SF3A3: variants seen among roughly 807,000 people sequenced by gnomAD.
The protein encoded by SF3A3 is splicing factor 3a subunit 3.
SF3A3 carries 9 observed loss-of-function variants against 85.8 expected under a neutral mutation model. The observed-to-expected ratio is 0.10, with a 90% CI of 0.06 to 0.18. The LOEUF (loss-of-function observed/expected upper bound fraction) is 0.18. Ranked by LOEUF, SF3A3 falls within the 10% of genes least tolerant of loss-of-function variation. SF3A3 has a pLI of 1.00. For missense variants in SF3A3, 306 were observed against 593.3 expected (o/e 0.52, Z 5.03); for synonymous variants, 195 against 204.4 (o/e 0.95, Z 0.39).
intron 15 of SF3A3, among the ~76,000 whole-genome samples, chr1:37,963,099 A>G (rs1646273582): frequency 6.6e-6 from 1 of 152,182 alleles, no homozygotes; most frequent in East Asian, 1.9e-4. Context: ...AAAAAAAAAA[A>G]AAATCACTGC....
intron 12 of SF3A3, among the ~76,000 whole-genome samples, chr1:37,972,903 G>A (rs1020102843): frequency 2.6e-5 from 4 of 152,134 alleles, no homozygotes; most frequent in African/African-American, 4.8e-5. Flanking sequence ...AATGTGGGCC[G>A]GGTGCGGTGG....
In SF3A3 at chr1:37,987,791, T is replaced by C; in HGVS notation, c.190A>G (p.Lys64Glu). The change falls in exon 3 of 17, where the codon AAG (lysine) becomes GAG (glutamate). Residue 64 changes from lysine to glutamate, a missense_variant. This residue lies in a region of SF3A3 where 152 missense variants were observed against 192.0 expected (regional missense o/e 0.79). Coordinates refer to ENST00000373019, the MANE Select transcript of SF3A3 (RefSeq NM_006802.4). ...GCTGTGACTGTCACTTACCCATCCT[T>C]ATCATCATACAAATCCCTCAGGTTC... ...SGNLRDLYDD[K>E]DGLRKEELNA... 13 of 1,613,410 alleles carry C rather than the reference T, an allele frequency of 8.1e-6. No homozygotes were observed. The highest frequency in any genetic ancestry group is 1.1e-5 in the Non-Finnish European group (13 of 1,179,372).
chr1:37,971,034 C>CA (rs939499548), intron 12 of SF3A3, among the ~76,000 whole-genome samples: 1 of 151,390 alleles, frequency 6.6e-6, no homozygotes, highest in East Asian at 1.9e-4. Flanking sequence ...GACAGACACA[C>CA]AAAAAAACCC....
In SF3A3 at chr1:37,987,733, C is replaced by T. The variant is rs1398376527; in HGVS notation, c.197+51G>A. 14 of 1,600,070 alleles carry T rather than the reference C, an allele frequency of 8.7e-6. No individual in the cohort carries two copies. In the East Asian group the frequency reaches 2.7e-4, roughly 31 times the overall value. ...TAGAGCACAAAGTCAGTCCTCTAAC[C>T]ATGGCTCCTCAGAAGCACTAACTCC... On this transcript the variant is annotated intron_variant, in intron 3 of 16. Transcript: ENST00000373019.
chr1:37,982,459 C>A (rs1484089988), intron 6 of SF3A3, among the ~76,000 whole-genome samples: 1 of 152,018 alleles, frequency 6.6e-6, no homozygotes, highest in Non-Finnish European at 1.5e-5. Flanking sequence ...CAACCTCCAC[C>A]TCATGGGTTC....
At position 37,968,031 on chromosome 1, in the gene SF3A3, A is replaced by C. The variant is rs1428325170; in HGVS notation, c.1372+13T>G. 1.9e-6 allele frequency: 3 copies of C among 1,569,262 alleles called. No homozygotes were observed. The highest frequency in any genetic ancestry group is 2.6e-6 in the Non-Finnish European group (3 of 1,139,012). ...TGTACTCGCCTAGGAGACAGTAAAT[A>C]AATCTTACTTACAGGAGACAGCATC... On this transcript the variant is annotated intron_variant, in intron 15 of 16. Transcript: ENST00000373019.
intron 15 of SF3A3, among the ~76,000 whole-genome samples, chr1:37,964,276 A>G (rs956677672): frequency 1.5e-4 from 23 of 152,108 alleles, no homozygotes; most frequent in Non-Finnish European, 7.4e-5. Flanking sequence ...AAATTACGTG[A>G]TAAGTGTGAT....
At chr1:37,980,291 G>A (rs1034595933) in intron 8 of SF3A3, among the ~76,000 whole-genome samples, 3 of 152,108 alleles carry the variant, frequency 2.0e-5, no homozygotes, top group Non-Finnish European at 4.4e-5. Flanking sequence ...GGGTGTGGAG[G>A]CGCGTGCCTG....
chr1:37,983,309 T>A (rs567684611), intron 6 of SF3A3, among the ~76,000 whole-genome samples: 111 of 148,368 alleles, frequency 7.5e-4, no homozygotes, highest in African/African-American at 2.6e-3. Context: ...TAAGGCTGGA[T>A]GCAGTGGCTT....
chr1:37,963,714 G>A (rs771245848), intron 15 of SF3A3, among the ~76,000 whole-genome samples: 24 of 150,752 alleles, frequency 1.6e-4, no homozygotes, highest in Non-Finnish European at 3.0e-4. Context: ...CCGCCACAAC[G>A]TCCGACTAAT....
rs1216841880 is a variant in SF3A3, at chr1:37,988,060, A to G, written c.145-224T>C. 2.0e-5 allele frequency among the ~76,000 whole-genome samples: 3 copies of G among 152,186 alleles called. No individual in the cohort carries two copies. The East Asian group carries it at 5.8e-4, about 29-fold the overall frequency. On this transcript the variant is annotated intron_variant, in intron 2 of 16. Coordinates refer to ENST00000373019, the MANE Select transcript of SF3A3 (RefSeq NM_006802.4). ...TTGATTCCTGTTTAGTTTTTTAAGC[A>G]GGTCGATTGGAAGATTACCTAAATG...
At chr1:37,978,642 G>A (rs925452868) in intron 11 of SF3A3, 78 bp downstream of exon 11, 20 of 849,170 alleles carry the variant, frequency 2.4e-5, no homozygotes, top group Middle Eastern at 3.5e-4. Context: ...AGGCTTTAAA[G>A]TCTCCACTGT....
At position 37,963,563 on chromosome 1, in the gene SF3A3, T is replaced by C. The variant is rs951254252; in HGVS notation, c.1373-3388A>G. Reference sequence around the variant, plus strand: ...ATCATGAAACTGCCAATGATAATTCTTTTTTTTTTTTGAGACAGAGTCTCA... The same window carrying C: ...ATCATGAAACTGCCAATGATAATTCCTTTTTTTTTTTGAGACAGAGTCTCA... On this transcript the variant is annotated intron_variant, in intron 15 of 16. Coordinates refer to ENST00000373019, the MANE Select transcript of SF3A3 (RefSeq NM_006802.4). 2.9e-4 allele frequency among the ~76,000 whole-genome samples: 42 copies of C among 144,792 alleles called. 1 individual carries two copies. Among genetic ancestry groups the C allele is most frequent in the Admixed American group, 2.1e-4 (3 of 14,428 alleles). 95.0% of individuals were successfully genotyped at this position (144,792 alleles called of 152,430 possible).
In SF3A3 at chr1:37,958,262, T is replaced by G; in HGVS notation, c.1430A>C (p.Glu477Ala). ...ASERWQPDTE[E>A]EYEDSSGNVV... ...ATTCCCACTTGAGTCTTCATATTCT[T>G]CCTGAAAAGGAAGGGGTACACTTTG... Residue 477 changes from glutamate (E) to alanine (A), a missense_variant and splice_region_variant, in exon 17 of 17, where the codon GAA becomes GCA. Glu to Ala is a moderately radical substitution (Grantham distance 107). This residue lies in a region of SF3A3 where 18 missense variants were observed against 77.4 expected (regional missense o/e 0.23). Coordinates refer to ENST00000373019, the MANE Select transcript of SF3A3 (RefSeq NM_006802.4). The G allele has an allele frequency of 6.2e-7, 1 of 1,608,838 alleles. No homozygotes were observed. The highest frequency in any genetic ancestry group is 8.5e-7 in the Non-Finnish European group (1 of 1,175,170).
At chr1:37,985,336 G>A (rs1236160380) in intron 4 of SF3A3, among the ~76,000 whole-genome samples, 1 of 152,166 alleles carries the variant, frequency 6.6e-6, no homozygotes, top group Non-Finnish European at 1.5e-5. Flanking sequence ...CCTGAGAACA[G>A]GTGACCACTG....
chr1:37,964,871 C>A (rs1646288042), intron 15 of SF3A3, among the ~76,000 whole-genome samples: 1 of 152,092 alleles, frequency 6.6e-6, no homozygotes, highest in African/African-American at 2.4e-5. Context: ...ATCAGTCATT[C>A]TCTTAACATG....
chr1:37,986,383 A>C (rs1646457023), intron 4 of SF3A3, among the ~76,000 whole-genome samples: 1 of 152,222 alleles, frequency 6.6e-6, no homozygotes, highest in Non-Finnish European at 1.5e-5. Context: ...ATAACAGTTG[A>C]CACCATGACT....
intron 11 of SF3A3, among the ~76,000 whole-genome samples, chr1:37,978,413 A>C (rs994878000): frequency 6.6e-6 from 1 of 152,104 alleles, no homozygotes; most frequent in Non-Finnish European, 1.5e-5. Flanking sequence ...TTTACCAAAA[A>C]TAAGCTTAGA....
intron 12 of SF3A3, among the ~76,000 whole-genome samples, chr1:37,970,408 T>C (rs1646330338): frequency 6.6e-6 from 1 of 151,606 alleles, no homozygotes; most frequent in African/African-American, 2.4e-5. Context: ...ACAATAATAA[T>C]GGGAAACTTT....
Sources: gnomAD v4.1 joint callset for allele counts (sites outside exome capture counted in the v4.1 genomes callset) on GRCh38, gnomAD v4.1.1 for gene constraint, gnomAD v4.1.1 regional missense constraint, MANE v1.5 for transcripts, NCBI Gene and HGNC (gene_info 2026-07-23, HGNC 2026-07-21) for gene names.